The following CDKN1C variants were observed in gnomAD, a reference collection of about 807,000 sequenced individuals.
CDKN1C encodes cyclin dependent kinase inhibitor 1C.
In CDKN1C, 7 loss-of-function variants were observed where a neutral mutation model predicts 16.5. The observed-to-expected ratio is 0.42, with a 90% CI of 0.24 to 0.80. CDKN1C has a LOEUF of 0.80. Ranked by LOEUF, CDKN1C falls within the 30% of genes least tolerant of loss-of-function variation. The pLI, the probability that CDKN1C is intolerant of heterozygous loss-of-function variation, is 0.26. For synonymous variants in CDKN1C, 288 were observed against 214.4 expected, an observed-to-expected ratio of 1.34 and a Z score of -3.00; for missense variants, 429 against 437.3, an observed-to-expected ratio of 0.98 and a Z score of 0.17.
chr11:2,885,558 A>C, intron 1 of CDKN1C, 76 bp downstream of exon 1: 1 of 1,524,290 alleles, frequency 6.6e-7, no homozygotes. Flanking sequence ...AAAGGAGAGG[A>C]GGAGAGGGCG....
Position 2,885,415 on chromosome 11 carries a change from C to T in CDKN1C, c.42G>A (p.Val14=). 1 of 1,552,808 alleles carries T rather than the reference C, an allele frequency of 6.4e-7. No homozygotes were observed. Among genetic ancestry groups the T allele is most frequent in the East Asian group, 2.4e-5 (1 of 41,294 alleles). ...AGAGGCTGCGGCAGGCGCTGGTGCGCACTAGTACTGGGAAGGTCCCACGGG... is the reference window on the plus strand; with the variant it reads ...AGAGGCTGCGGCAGGCGCTGGTGCGTACTAGTACTGGGAAGGTCCCACGGG... The part of the protein sequence containing the change: ...LVARGTFPVL[V]RTSACRSLFG... Residue 14 remains valine, a synonymous_variant, in exon 2 of 4, where the codon GTG becomes GTA. Coordinates refer to ENST00000440480, the MANE Select transcript of CDKN1C (RefSeq NM_001122630.2).
intron 2 of CDKN1C, chr11:2,884,414 G>A (rs1280186678): frequency 1.2e-5 from 3 of 248,166 alleles, no homozygotes; most frequent in Non-Finnish European, 7.6e-6. Context: ...GGGCTCCCGC[G>A]GCCGGGGGCG....
In CDKN1C at chr11:2,885,578, C is replaced by A. The variant is rs574366375; in HGVS notation, c.-11+56G>T. 20 of 1,481,210 alleles carry A rather than the reference C, an allele frequency of 1.4e-5. No individual in the cohort carries two copies. In the South Asian group the frequency reaches 2.5e-4, roughly 18 times the overall value. 91.8% of individuals were successfully genotyped at this position (1,481,210 alleles called of 1,614,324 possible). A position where few individuals can be genotyped will look rare whatever the true frequency, so the allele number is the denominator to read the frequency against. ...AGAGGAGGAGAGGGCGGAGGCCGGG[C>A]GCAAGGGAGACCCCGCGCCGCCCGA... On this transcript the variant is annotated intron_variant, in intron 1 of 3. Transcript: ENST00000440480.
chr11:2,883,931 C>A lies in CDKN1C; in HGVS notation c.*6-16G>T, dbSNP rs1848866130. The A allele has an allele frequency of 1.3e-6, 2 of 1,587,450 alleles. No individual in the cohort carries two copies. The highest frequency in any genetic ancestry group is 1.3e-5 in the African/African-American group (1 of 74,142). ...GGGCTCTAAACTGCGAGGAGAGGGG[C>A]GGTCAGCAAAGCCGGCGGGGACCCG... On this transcript the variant is annotated splice_polypyrimidine_tract_variant and intron_variant, in intron 3 of 3. Transcript: ENST00000440480.
At chr11:2,885,545 G>A in intron 1 of CDKN1C, 79 bp from the exon 2 acceptor site, 1 of 1,533,262 alleles carries the variant, frequency 6.5e-7, no homozygotes. Flanking sequence ...CGAGAAGAAG[G>A]GGAAAGGAGA....
At position 2,885,070 on chromosome 11, in the gene CDKN1C, CG is replaced by C; in HGVS notation, c.386del (p.Pro129ArgfsTer132). The C allele has an allele frequency of 7.3e-7, 1 of 1,375,856 alleles. No individual in the cohort carries two copies. The highest frequency in any genetic ancestry group is 9.3e-7 in the Non-Finnish European group (1 of 1,074,312). 85.2% of individuals were successfully genotyped at this position (1,375,856 alleles called of 1,614,324 possible). A position where few individuals can be genotyped will look rare whatever the true frequency, so the allele number is the denominator to read the frequency against. ...EEAPEQLPSV[P>X]VPAPASTPPP... ...GCGGGGTGGACGCCGGGGCCGGGAC[CG>C]GGACACTAGGCAGCTGCTCCGGCGC... On this transcript the variant is annotated frameshift_variant, in exon 2 of 4. Coordinates refer to ENST00000440480, the MANE Select transcript of CDKN1C (RefSeq NM_001122630.2). LOFTEE classifies it high-confidence loss of function.
Position 2,884,872 on chromosome 11 carries a change from CG to C in CDKN1C, c.584del (p.Pro195ArgfsTer66), listed in dbSNP as rs1848933767. The part of the protein sequence containing the change: ...AAPAPAPAPA[P>X]APAPAPAPAP... ...CCGGGGCCGGGGCGGGGGCCGGGGCCGGGGCCGGGGCCGGGGCTGGGGCCGG... is the reference window on the plus strand; with the variant it reads ...CCGGGGCCGGGGCGGGGGCCGGGGCCGGGCCGGGGCCGGGGCTGGGGCCGG... On this transcript the variant is annotated frameshift_variant, in exon 2 of 4. Coordinates refer to ENST00000440480, the MANE Select transcript of CDKN1C (RefSeq NM_001122630.2). LOFTEE classifies it high-confidence loss of function. 1 of 840,520 alleles carries C rather than the reference CG, an allele frequency of 1.2e-6. No homozygotes were observed. The highest frequency in any genetic ancestry group is 1.4e-6 in the Non-Finnish European group (1 of 691,506). 52.1% of individuals were successfully genotyped at this position (840,520 alleles called of 1,614,324 possible).
chr11:2,885,128 G>A lies in CDKN1C; in HGVS notation c.329C>T (p.Pro110Leu), dbSNP rs1590150723. The A allele has an allele frequency of 2.7e-6, 4 of 1,475,280 alleles. No homozygotes were observed. Among genetic ancestry groups the A allele is most frequent in the South Asian group, 1.4e-5 (1 of 73,606 alleles). The allele number at this position is 1,475,280 out of a possible 1,614,324, so 91.4% of individuals were successfully genotyped here. Residue 110 changes from proline (P) to leucine (L), a missense_variant, in exon 2 of 4, where the codon CCG becomes CTG. Coordinates refer to ENST00000440480, the MANE Select transcript of CDKN1C (RefSeq NM_001122630.2). The stretch of plus-strand genomic sequence containing the variant: ...GAGGCCGTCGAGGGACTCAGCGGCC[G>A]GCTCGAGGGGCGGGCTGACAGCCAC... The part of the protein sequence containing the change: ...VAVAVSPPLE[P>L]AAESLDGLEE...
Position 2,883,624 on chromosome 11 carries a change from T to C in CDKN1C, c.*297A>G, listed in dbSNP as rs1262973685. On this transcript the variant is annotated 3_prime_UTR_variant, in exon 4 of 4. Transcript: ENST00000440480. Reference sequence around the variant, plus strand: ...GTTTTTTTATTTTTTCCTTTTTTTTTTCTTTTTTCTTTTTTTTGCACTGAG... The same window carrying C: ...GTTTTTTTATTTTTTCCTTTTTTTTCTCTTTTTTCTTTTTTTTGCACTGAG... The C allele has an allele frequency of 6.7e-6, 4 of 595,078 alleles. No individual in the cohort carries two copies. Among genetic ancestry groups the C allele is most frequent in the African/African-American group, 3.9e-5 (2 of 51,788 alleles). The allele number at this position is 595,078 out of a possible 1,614,324, so 36.9% of individuals were successfully genotyped here.
chr11:2,885,584 GGAGACCCCGCGCCGCCC>G, intron 1 of CDKN1C, 33 bp downstream of exon 1: 1 of 1,459,416 alleles, frequency 6.9e-7, no homozygotes, highest in East Asian at 2.5e-5. Flanking sequence ...CGGGCGCAAG[GGAGACCCCGCGCCGCCC>G]GACTCTGCGT....
intron 2 of CDKN1C, chr11:2,884,394 G>A: frequency 4.3e-6 from 1 of 231,328 alleles, no homozygotes; most frequent in Non-Finnish European, 8.2e-6. Context: ...GCCCGGCCGC[G>A]CCCGGGGAGG....
At position 2,884,866 on chromosome 11, in the gene CDKN1C, CG is replaced by C. The variant is rs2133783113; in HGVS notation, c.590del (p.Pro197ArgfsTer64). On this transcript the variant is annotated frameshift_variant, in exon 2 of 4. Coordinates refer to ENST00000440480, the MANE Select transcript of CDKN1C (RefSeq NM_001122630.2). LOFTEE classifies it high-confidence loss of function. ...PAPAPAPAPA[P>X]APAPAPAPDA... ...CCGGGGCCGGGGCCGGGGCGGGGGCCGGGGCCGGGGCCGGGGCCGGGGCTGG... is the reference window on the plus strand; with the variant it reads ...CCGGGGCCGGGGCCGGGGCGGGGGCCGGGCCGGGGCCGGGGCCGGGGCTGG... 1 of 793,702 alleles carries C rather than the reference CG, an allele frequency of 1.3e-6. No individual in the cohort carries two copies. The highest frequency in any genetic ancestry group is 1.5e-6 in the Non-Finnish European group (1 of 651,858). 49.2% of individuals were successfully genotyped at this position (793,702 alleles called of 1,614,324 possible).
chr11:2,884,984 ACCGGAGCCG>A lies in CDKN1C; in HGVS notation c.464_472del (p.Ala155_Pro157del), dbSNP rs1848947947. The A allele has an allele frequency of 9.7e-7, 1 of 1,034,858 alleles. No homozygotes were observed. Among genetic ancestry groups the A allele is most frequent in the Non-Finnish European group, 1.2e-6 (1 of 825,364 alleles). The allele number at this position is 1,034,858 out of a possible 1,614,324, so 64.1% of individuals were successfully genotyped here. A position where few individuals can be genotyped will look rare whatever the true frequency, so the allele number is the denominator to read the frequency against. ...GACCGCGACCGCGACCGGAGCCGCG[ACCGGAGCCG>A]CGACCGGAGCCGGAGCCGGGGCCGG... On this transcript the variant is annotated inframe_deletion, in exon 2 of 4. Coordinates refer to ENST00000440480, the MANE Select transcript of CDKN1C (RefSeq NM_001122630.2).
rs191294997 is a variant in CDKN1C, at chr11:2,884,935, A to G, written c.522T>C (p.Ala174=). 0.21 allele frequency: 190,519 copies of G among 899,522 alleles called. 21,387 individuals carry two copies. Among genetic ancestry groups the G allele is most frequent in the African/African-American group, 0.36 (18,476 of 51,784 alleles). 55.7% of individuals were successfully genotyped at this position (899,522 alleles called of 1,614,324 possible). ...VAVLAPAPAP[A]PAPAPAPAPV... ...GAGCCGGGGCCGGAGCCGGAGCCGG[A>G]GCCGGGGCCGGGGCCGGGGCCAGGA... The change falls in exon 2 of 4, where the codon GCT becomes GCC. Residue 174 remains alanine, a synonymous_variant. Coordinates refer to ENST00000440480, the MANE Select transcript of CDKN1C (RefSeq NM_001122630.2).
Position 2,885,244 on chromosome 11 carries a change from C to T in CDKN1C, c.213G>A (p.Val71=), listed in dbSNP as rs141005361. 4.1e-5 allele frequency: 64 copies of T among 1,559,282 alleles called. No individual in the cohort carries two copies. In the African/African-American group the frequency reaches 7.6e-4, roughly 19 times the overall value. ...AGAACGCGGGCACCGAGTCGCTGTC[C>T]ACTTCGGTCCACTGCAGGCGTCCAG... ...RGPGRLQWTE[V]DSDSVPAFYR... is the part of the protein sequence containing the mutation. The change falls in exon 2 of 4, where the codon GTG becomes GTA. Residue 71 remains valine, a synonymous_variant. Coordinates refer to ENST00000440480, the MANE Select transcript of CDKN1C (RefSeq NM_001122630.2).
At position 2,884,411 on chromosome 11, in the gene CDKN1C, C is replaced by T. The variant is rs1255701723; in HGVS notation, c.787+259G>A. ...CCGGCCGCGCCCGGGGAGGGGCTCC[C>T]GCGGCCGGGGGCGAAAACTGCGCTC... On this transcript the variant is annotated intron_variant, in intron 2 of 3. Transcript: ENST00000440480. 1.1e-4 allele frequency: 27 copies of T among 247,176 alleles called. No individual in the cohort carries two copies. In the East Asian group the frequency reaches 1.9e-3, roughly 17 times the overall value. 15.3% of individuals were successfully genotyped at this position (247,176 alleles called of 1,614,324 possible). A position where few individuals can be genotyped will look rare whatever the true frequency, so the allele number is the denominator to read the frequency against.
chr11:2,884,534 G>T, intron 2 of CDKN1C, 136 bp downstream of exon 2: 1 of 429,958 alleles, frequency 2.3e-6, no homozygotes, highest in Non-Finnish European at 3.7e-6. Flanking sequence ...GGGCGCAGCC[G>T]CGCCCTGAGC....
chr11:2,885,396 T>G lies in CDKN1C; in HGVS notation c.61A>C (p.Ser21Arg), dbSNP rs753973370. 1 of 1,561,662 alleles carries G rather than the reference T, an allele frequency of 6.4e-7. No individual in the cohort carries two copies. Among genetic ancestry groups the G allele is most frequent in the Non-Finnish European group, 8.6e-7 (1 of 1,156,368 alleles). Reference sequence around the variant, plus strand: ...TCGTGGTCCACCGGCCCGAAGAGGCTGCGGCAGGCGCTGGTGCGCACTAGT... The same window carrying G: ...TCGTGGTCCACCGGCCCGAAGAGGCGGCGGCAGGCGCTGGTGCGCACTAGT... Reference protein sequence around the residue: ...PVLVRTSACRSLFGPVDHEEL... With the variant: ...PVLVRTSACRRLFGPVDHEEL... The change falls in exon 2 of 4, where the codon AGC (serine) becomes CGC (arginine). Residue 21 changes from serine to arginine, a missense_variant. Ser to Arg is a moderately radical substitution (Grantham distance 110). Transcript: ENST00000440480.
chr11:2,884,153 G>A lies in CDKN1C; in HGVS notation c.788-19C>T. Reference sequence around the variant, plus strand: ...AAGAAATCTGCGGGCGACAGCGCGCGCGGCCGGTCAGGGCGGGGCCGGCCC... The same window carrying A: ...AAGAAATCTGCGGGCGACAGCGCGCACGGCCGGTCAGGGCGGGGCCGGCCC... On this transcript the variant is annotated intron_variant, in intron 2 of 3. Coordinates refer to ENST00000440480, the MANE Select transcript of CDKN1C (RefSeq NM_001122630.2). 2 of 1,466,862 alleles carry A rather than the reference G, an allele frequency of 1.4e-6. No homozygotes were observed. Among genetic ancestry groups the A allele is most frequent in the Non-Finnish European group, 1.8e-6 (2 of 1,105,072 alleles). 90.9% of individuals were successfully genotyped at this position (1,466,862 alleles called of 1,614,324 possible).
Sources: allele counts gnomAD v4.1 joint callset, GRCh38; gene constraint gnomAD v4.1.1; transcripts MANE v1.5; gene names NCBI Gene and HGNC (gene_info 2026-07-23, HGNC 2026-07-21).